SHC1: variants seen among roughly 807,000 people sequenced by gnomAD.
SHC1 encodes the protein SHC-transforming protein 1.
Under a neutral mutation model 55.9 loss-of-function variants are expected in SHC1, and 30 were observed. The ratio of observed to expected loss-of-function variants is 0.54; its 90% confidence interval spans 0.40 to 0.73. The LOEUF (loss-of-function observed/expected upper bound fraction) is 0.73. Among genes scored for constraint, SHC1 ranks in the 30% least tolerant of loss-of-function variants. SHC1 has a pLI of 0.00. For missense variants in SHC1, 675 were observed against 777.1 expected (o/e 0.87, Z 1.56); for synonymous variants, 309 against 306.1 (o/e 1.01, Z -0.10).
At position 154,963,511 on chromosome 1, in the gene SHC1, GCACT is replaced by G. The variant is rs1655546224; in HGVS notation, c.*288_*291del. ...CACCACAGGACATTTTCCATGACAA[GCACT>G]CACCTTCTTGGGGAAGGGGCATCAG... On this transcript the variant is annotated 3_prime_UTR_variant, in exon 12 of 12. Transcript: ENST00000448116. 6.2e-6 allele frequency: 2 copies of G among 320,214 alleles called. No homozygotes were observed. Among genetic ancestry groups the G allele is most frequent in the Admixed American group, 4.2e-5 (1 of 24,064 alleles). 19.8% of individuals were successfully genotyped at this position (320,214 alleles called of 1,614,324 possible).
chr1:154,968,140 A>G (rs1212354833), intron 5 of SHC1, 64 bp downstream of exon 5: 6 of 1,587,128 alleles, frequency 3.8e-6, no homozygotes, highest in African/African-American at 1.3e-5. Context: ...TCTCTAATCA[A>G]TGTCTTCCCA....
chr1:154,967,071 T>C (rs764708256), intron 7 of SHC1, among the ~76,000 whole-genome samples: 4 of 151,384 alleles, frequency 2.6e-5, no homozygotes, highest in Non-Finnish European at 4.4e-5. Context: ...ATTGTACCAC[T>C]GAACTCCAGC....
intron 1 of SHC1, 142 bp from the exon 2 acceptor site, chr1:154,969,590 A>T: frequency 3.1e-6 from 2 of 637,808 alleles, no homozygotes; most frequent in East Asian, 2.8e-5. Context: ...GCTACATCCC[A>T]CAACCAAGGT....
chr1:154,962,481 G>T lies in SHC1; in HGVS notation c.*1322C>A, dbSNP rs1466865187. On this transcript the variant is annotated 3_prime_UTR_variant, in exon 12 of 12. Coordinates refer to ENST00000448116, the MANE Select transcript of SHC1 (RefSeq NM_001130040.2). ...CCCGGGCCTAGGCTGGGCCGGGCCTGTAGAAGGTACTCAGGAACTGCAGGT... is the reference window on the plus strand; with the variant it reads ...CCCGGGCCTAGGCTGGGCCGGGCCTTTAGAAGGTACTCAGGAACTGCAGGT... The T allele has an allele frequency of 6.6e-6, 1 of 152,648 alleles. No individual in the cohort carries two copies. The highest frequency in any genetic ancestry group is 1.9e-4 in the East Asian group (1 of 5,324). 9.5% of individuals were successfully genotyped at this position (152,648 alleles called of 1,614,324 possible). A position where few individuals can be genotyped will look rare whatever the true frequency, so the allele number is the denominator to read the frequency against.
rs1451547632 is a variant in SHC1, at chr1:154,963,775, ATCT to A, written c.*25_*27del. The A allele has an allele frequency of 1.2e-6, 2 of 1,611,292 alleles. No individual in the cohort carries two copies. The highest frequency in any genetic ancestry group is 2.7e-5 in the African/African-American group (2 of 74,876). On this transcript the variant is annotated 3_prime_UTR_variant, in exon 12 of 12. Coordinates refer to ENST00000448116, the MANE Select transcript of SHC1 (RefSeq NM_001130040.2). The stretch of plus-strand genomic sequence containing the variant: ...AATAGGGTGGAAAGGATTGGAGGGC[ATCT>A]TCTGGAAGAGAGCGCTAGGGCAGAT...
intron 7 of SHC1, 83 bp downstream of exon 7, chr1:154,967,588 C>T (rs1167219782): frequency 6.8e-7 from 1 of 1,467,722 alleles, no homozygotes; most frequent in Non-Finnish European, 9.4e-7. Flanking sequence ...CTCCCTGAAC[C>T]TCTCAACTCA....
At chr1:154,970,897 G>T (rs193105103), upstream of SHC1, 314 of 191,098 alleles carry the variant, frequency 1.6e-3, no homozygotes, top group Admixed American at 2.3e-3. The surrounding 1 kb of genome is among the most constrained non-coding windows in gnomAD (Gnocchi z 5.5). Flanking sequence ...ACTGGAGCAG[G>T]GGGTAGGGCT....
At chr1:154,974,166 T>A (rs914904299), upstream of SHC1, 9 of 154,208 alleles carry the variant, frequency 5.8e-5, no homozygotes, top group African/African-American at 1.9e-4. Context: ...GACTTATAAA[T>A]GAAGACCGGA....
At chr1:154,967,631 C>T in intron 7 of SHC1, 40 bp downstream of exon 7, 1 of 1,604,538 alleles carries the variant, frequency 6.2e-7, no homozygotes, top group Non-Finnish European at 8.5e-7. Flanking sequence ...TTTCCTAATC[C>T]TAATCCAAGA....
At chr1:154,970,756 A>G, upstream of SHC1, 7 of 467,892 alleles carry the variant, frequency 1.5e-5, no homozygotes, top group Admixed American at 2.8e-4. This position sits in a 1 kb window ranked among gnomAD's most constrained non-coding sequence, Gnocchi z 5.5. Context: ...CTGGCTGAGA[A>G]GAGAACAGGC....
chr1:154,964,410 A>G, intron 11 of SHC1: 1 of 387,606 alleles, frequency 2.6e-6, no homozygotes, highest in Non-Finnish European at 5.1e-6. Flanking sequence ...GTGTGCCACC[A>G]CACCGCAGCC....
chr1:154,967,200 C>T (rs1656111974), intron 7 of SHC1, among the ~76,000 whole-genome samples: 1 of 152,128 alleles, frequency 6.6e-6, no homozygotes, highest in Admixed American at 6.5e-5. Context: ...GGGAGGCACT[C>T]CAGCTCCAGA....
upstream of SHC1, among the ~76,000 whole-genome samples, chr1:154,971,011 G>T (rs1656693667): frequency 6.6e-6 from 1 of 152,136 alleles, no homozygotes. Flanking sequence ...AAAGGAAGGA[G>T]ATAGGAGGTC....
chr1:154,963,883 A>G lies in SHC1; in HGVS notation c.1675T>C (p.Tyr559His). The G allele has an allele frequency of 6.2e-7, 1 of 1,614,186 alleles. No homozygotes were observed. Among genetic ancestry groups the G allele is most frequent in the Non-Finnish European group, 8.5e-7 (1 of 1,179,998 alleles). ...RFESVSHLIS[Y>H]HMDNHLPIIS... is the part of the protein sequence containing the mutation. ...ATGGGCAAGTGATTGTCCATGTGGT[A>G]GCTGATAAGGTGACTGACACTTTCA... The change falls in exon 12 of 12, where the codon TAC becomes CAC. Residue 559 changes from tyrosine to histidine, a missense_variant. Tyr to His is a moderately conservative substitution (Grantham distance 83, BLOSUM62 2). Transcript: ENST00000448116.
chr1:154,972,163 C>G (rs1048305023), upstream of SHC1, among the ~76,000 whole-genome samples: 13 of 151,116 alleles, frequency 8.6e-5, no homozygotes, highest in Non-Finnish European at 1.6e-4. Flanking sequence ...GAGAATCGCT[C>G]GAACCCAGGA....
At chr1:154,972,409 T>G (rs1656835905), upstream of SHC1, among the ~76,000 whole-genome samples, 1 of 152,170 alleles carries the variant, frequency 6.6e-6, no homozygotes, top group Non-Finnish European at 1.5e-5. Context: ...TAGTGCTCAT[T>G]CCAGAAGAGC....
intron 4 of SHC1, 74 bp downstream of exon 4, chr1:154,968,421 T>C: frequency 6.3e-7 from 1 of 1,598,886 alleles, no homozygotes; most frequent in Non-Finnish European, 8.6e-7. Context: ...TCTTCCTAGA[T>C]TTTGGCCTCC....
At chr1:154,965,321 G>C (rs1217219296) in intron 11 of SHC1, 1 of 1,436,160 alleles carries the variant, frequency 7.0e-7, no homozygotes, top group Non-Finnish European at 9.2e-7. Flanking sequence ...ACAGGTGTGA[G>C]CCACCACGCC....
At chr1:154,971,457 G>A (rs757769365), upstream of SHC1, among the ~76,000 whole-genome samples, 3 of 152,188 alleles carry the variant, frequency 2.0e-5, no homozygotes, top group Admixed American at 6.5e-5. Flanking sequence ...TGCTGGTCAC[G>A]GCTTGTTCTC....
Sources: allele counts gnomAD v4.1 joint callset (sites outside exome capture counted in the v4.1 genomes callset), GRCh38; gene constraint gnomAD v4.1.1; non-coding constraint Gnocchi (gnomAD v3.1); transcripts MANE v1.5; gene names NCBI Gene and HGNC (gene_info 2026-07-23, HGNC 2026-07-21).